LHFPL6: variants seen among roughly 807,000 people sequenced by gnomAD.
LHFPL6 encodes LHFPL tetraspan subfamily member 6 protein.
In LHFPL6, 9 loss-of-function variants were observed where a neutral mutation model predicts 20.6. The ratio of observed to expected loss-of-function variants is 0.44; its 90% CI spans 0.26 to 0.76. The LOEUF is 0.76. Ranked by LOEUF, LHFPL6 falls within the 30% of genes least tolerant of loss-of-function variation. The pLI, the probability that LHFPL6 is intolerant of heterozygous loss-of-function variation, is 0.20. For missense variants in LHFPL6, 218 were observed against 253.5 expected, an observed-to-expected ratio of 0.86 and a Z score of 0.95; for synonymous variants, 105 against 98.7, an observed-to-expected ratio of 1.06 and a Z score of -0.38.
At position 39,441,573 on chromosome 13, in the gene LHFPL6, C is replaced by T. The variant is rs979466232; in HGVS notation, c.386-63047G>A. Among the ~76,000 whole-genome samples, 18 of 152,032 alleles carry T rather than the reference C, an allele frequency of 1.2e-4. 1 individual carries two copies. The highest frequency in any genetic ancestry group is 9.2e-4 in the Admixed American group (14 of 15,260). On this transcript the variant is annotated intron_variant, in intron 2 of 3. Transcript: ENST00000379589. Reference sequence around the variant, plus strand: ...TGTCACCCAGGCTGGGGTGCAGAGGCATGATTATGGCCCCCTGCAGCCTTG... The same window carrying T: ...TGTCACCCAGGCTGGGGTGCAGAGGTATGATTATGGCCCCCTGCAGCCTTG...
chr13:39,464,267 C>T (rs970770047), intron 2 of LHFPL6, among the ~76,000 whole-genome samples: 29 of 152,150 alleles, frequency 1.9e-4, no homozygotes, highest in Admixed American at 7.8e-4. Flanking sequence ...TATTTGGGGG[C>T]CAATTAAATC....
chr13:39,602,182 A>G (rs1414524345), intron 1 of LHFPL6, among the ~76,000 whole-genome samples: 1 of 152,104 alleles, frequency 6.6e-6, no homozygotes, highest in African/African-American at 2.4e-5. Flanking sequence ...AGGGGCATCT[A>G]CTTCCACCCC....
At chr13:39,590,988 C>G (rs1269708336) in intron 2 of LHFPL6, among the ~76,000 whole-genome samples, 1 of 152,184 alleles carries the variant, frequency 6.6e-6, no homozygotes, top group Non-Finnish European at 1.5e-5. Flanking sequence ...TAGAAAGACT[C>G]TACTCTGCCT....
rs1050386674 is a variant in LHFPL6 at position 39,343,037 on chromosome 13, G to C, written c.*899C>G. 6 of 196,656 alleles carry C rather than the reference G, an allele frequency of 3.1e-5. No homozygotes were observed. The highest frequency in any genetic ancestry group is 1.4e-4 in the African/African-American group (6 of 43,360). The allele number at this position is 196,656 out of a possible 1,614,324, so 12.2% of individuals were successfully genotyped here. A position where few individuals can be genotyped will look rare whatever the true frequency, so the allele number is the denominator to read the frequency against. On this transcript the variant is annotated 3_prime_UTR_variant, in exon 4 of 4. Transcript: ENST00000379589. ...AAAAGAAAACACGATCCAATGACTG[G>C]AAAATGTCTCTCATTACTCTCATAT...
chr13:39,374,994 G>T (rs1266348611), intron 3 of LHFPL6, among the ~76,000 whole-genome samples: 1 of 152,188 alleles, frequency 6.6e-6, no homozygotes, highest in African/African-American at 2.4e-5. Context: ...TTTCTTTCAG[G>T]ATGCTCCAGA....
At chr13:39,379,088 T>G (rs1870371025) in intron 2 of LHFPL6, among the ~76,000 whole-genome samples, 1 of 150,956 alleles carries the variant, frequency 6.6e-6, no homozygotes, top group Non-Finnish European at 1.5e-5. Flanking sequence ...CATCCACGCA[T>G]CTCAGAAAGT....
chr13:39,436,133 A>T lies in LHFPL6; in HGVS notation c.386-57607T>A, dbSNP rs1193331189. ...TTGGAGTCCTCAACAATTGTTAAGCATGTAAAGAAAGGGGTCCTGAGGCCA... is the reference window on the plus strand; with the variant it reads ...TTGGAGTCCTCAACAATTGTTAAGCTTGTAAAGAAAGGGGTCCTGAGGCCA... On this transcript the variant is annotated intron_variant, in intron 2 of 3. Coordinates refer to ENST00000379589, the MANE Select transcript of LHFPL6 (RefSeq NM_005780.3). Among the ~76,000 whole-genome samples the T allele has an allele frequency of 2.6e-5, 4 of 152,084 alleles. No homozygotes were observed. The East Asian group carries it at 7.7e-4, about 29-fold the overall frequency.
At chr13:39,445,295 T>C (rs1243953204) in intron 2 of LHFPL6, among the ~76,000 whole-genome samples, 2 of 152,224 alleles carry the variant, frequency 1.3e-5, no homozygotes, top group Admixed American at 6.5e-5. Context: ...CTCTATGCCA[T>C]ATGACATCAC....
chr13:39,481,856 T>A (rs151311392), intron 2 of LHFPL6, among the ~76,000 whole-genome samples: 1 of 151,884 alleles, frequency 6.6e-6, no homozygotes, highest in Non-Finnish European at 1.5e-5. Context: ...AGAAGTGAAG[T>A]TTGAGGGAAG....
intron 2 of LHFPL6, among the ~76,000 whole-genome samples, chr13:39,541,151 A>G (rs549454956): frequency 1.1e-3 from 164 of 152,314 alleles, no homozygotes; most frequent in African/African-American, 3.8e-3. Flanking sequence ...CACCTCTGGG[A>G]AGCCCAGTAT....
intron 2 of LHFPL6, among the ~76,000 whole-genome samples, chr13:39,459,718 C>T (rs1202165679): frequency 1.3e-5 from 2 of 152,190 alleles, no homozygotes; most frequent in East Asian, 3.8e-4. Context: ...TTTTAAAACT[C>T]AGCCTGACAA....
chr13:39,415,512 A>C (rs938197327), intron 2 of LHFPL6, among the ~76,000 whole-genome samples: 11 of 151,152 alleles, frequency 7.3e-5, no homozygotes, highest in Middle Eastern at 3.4e-3. Flanking sequence ...AAAAAAAAAA[A>C]ACAAAAAACA....
intron 2 of LHFPL6, among the ~76,000 whole-genome samples, chr13:39,481,146 G>T (rs988166998): frequency 6.6e-6 from 1 of 152,028 alleles, no homozygotes; most frequent in Non-Finnish European, 1.5e-5. Flanking sequence ...TGCTTAAAAT[G>T]CCTTAACAAC....
At chr13:39,598,820 G>C (rs1490601442) in intron 2 of LHFPL6, among the ~76,000 whole-genome samples, 1 of 152,272 alleles carries the variant, frequency 6.6e-6, no homozygotes, top group African/African-American at 2.4e-5. Flanking sequence ...GCCTCCCAAA[G>C]TGCTGGGATT....
chr13:39,410,232 A>T (rs568965652), intron 2 of LHFPL6, among the ~76,000 whole-genome samples: 1 of 152,372 alleles, frequency 6.6e-6, no homozygotes, highest in African/African-American at 2.4e-5. Flanking sequence ...ACAGTTCAAA[A>T]ATCTTGAGGC....
At chr13:39,486,378 A>G (rs1030680124) in intron 2 of LHFPL6, among the ~76,000 whole-genome samples, 3 of 152,194 alleles carry the variant, frequency 2.0e-5, no homozygotes, top group South Asian at 2.1e-4. Context: ...TTTGCTACCA[A>G]CAGTATAGGC....
chr13:39,592,215 G>GA (rs949016636), intron 2 of LHFPL6, among the ~76,000 whole-genome samples: 32 of 150,044 alleles, frequency 2.1e-4, no homozygotes, highest in East Asian at 7.8e-4. Context: ...AAGCTTTTTA[G>GA]AAAAAAAAAG....
At chr13:39,527,612 C>T (rs1870333703) in intron 2 of LHFPL6, among the ~76,000 whole-genome samples, 1 of 151,394 alleles carries the variant, frequency 6.6e-6, no homozygotes, top group Admixed American at 6.6e-5. Context: ...ACTGAGTGTT[C>T]CTTCTGGTTA....
intron 2 of LHFPL6, among the ~76,000 whole-genome samples, chr13:39,592,693 C>A (rs1339573752): frequency 2.0e-5 from 3 of 152,298 alleles, no homozygotes; most frequent in Non-Finnish European, 2.9e-5. Flanking sequence ...AGACCAATAT[C>A]CCTGATGAAC....
Sources: gnomAD v4.1 joint callset for allele counts (sites outside exome capture counted in the v4.1 genomes callset) on GRCh38, gnomAD v4.1.1 for gene constraint, MANE v1.5 for transcripts, NCBI Gene and HGNC (gene_info 2026-07-23, HGNC 2026-07-21) for gene names.